Variants in FBP2 observed in about 807,000 individuals in gnomAD.
FBP2 encodes the protein fructose-bisphosphatase 2.
In FBP2, 27 loss-of-function variants were observed where a neutral mutation model predicts 31.6. The observed-to-expected ratio is 0.85, with a 90% CI of 0.63 to 1.18. FBP2 has a LOEUF of 1.18. FBP2 is among the 50% of genes most tolerant of loss of function. FBP2 has a pLI of 0.00. For synonymous variants in FBP2, 168 were observed against 179.8 expected (o/e 0.93, Z 0.53); for missense variants, 421 against 436.1 (o/e 0.97, Z 0.31).
chr9:94,567,417 TGAAGAGAGATGCCAGGAA>T lies in FBP2; in HGVS notation c.568-28_568-11del. The T allele has an allele frequency of 6.2e-7, 1 of 1,612,658 alleles. No individual in the cohort carries two copies. The highest frequency in any genetic ancestry group is 1.1e-5 in the South Asian group (1 of 90,978). On this transcript the variant is annotated splice_polypyrimidine_tract_variant and intron_variant, in intron 4 of 6. Transcript: ENST00000375337. The stretch of plus-strand genomic sequence containing the variant: ...CAAATTCACCAAGAGCCTAGCAACA[TGAAGAGAGATGCCAGGAA>T]GAAGAGAGAAGCCAGGAAACAAGCC...
intron 4 of FBP2, chr9:94,568,231 GA>G (rs1214352051): frequency 1.3e-5 from 2 of 152,128 alleles, no homozygotes; most frequent in Non-Finnish European, 2.9e-5. Flanking sequence ...GAGAAAAGAG[GA>G]AGCCGCTTTC....
At chr9:94,570,014 A>G (rs1204604668) in intron 4 of FBP2, 1 of 152,208 alleles carries the variant, frequency 6.6e-6, no homozygotes, top group African/African-American at 2.4e-5. Context: ...TGTCCTTTTT[A>G]GTAGGGAGAT....
intron 4 of FBP2, 118 bp downstream of exon 4, chr9:94,571,344 C>G (rs1827266234): frequency 3.6e-6 from 4 of 1,108,488 alleles, no homozygotes; most frequent in Middle Eastern, 3.2e-4. Context: ...GCTCTCAGGA[C>G]CCCTGGTCCC....
chr9:94,575,224 A>G (rs542520520), intron 3 of FBP2, among the ~76,000 whole-genome samples: 1 of 152,304 alleles, frequency 6.6e-6, no homozygotes, highest in South Asian at 2.1e-4. Flanking sequence ...CATTTATATA[A>G]CATTTCCAGC....
intron 3 of FBP2, among the ~76,000 whole-genome samples, chr9:94,579,050 C>CACAAAAAAAAAAAAAAAA (rs1827346480): frequency 3.3e-5 from 1 of 30,606 alleles, no homozygotes; most frequent in Non-Finnish European, 5.1e-5. Context: ...GAGACTCTGT[C>CACAAAAAAAAAAAAAAAA]AAAAAAAAAA....
intron 3 of FBP2, among the ~76,000 whole-genome samples, chr9:94,573,713 T>C (rs544042528): frequency 1.2e-4 from 19 of 152,346 alleles, no homozygotes; most frequent in African/African-American, 4.6e-4. Flanking sequence ...TTATGTATTG[T>C]TGAATTCTAT....
chr9:94,592,557 T>TGGTGACA (rs1350193233), intron 1 of FBP2, among the ~76,000 whole-genome samples: 1 of 152,166 alleles, frequency 6.6e-6, no homozygotes, highest in East Asian at 1.9e-4. Flanking sequence ...TGTTTTGAGA[T>TGGTGACA]GGAATCTCGT....
chr9:94,562,309 C>CAAAA (rs397893359), intron 6 of FBP2, among the ~76,000 whole-genome samples: 28 of 72,064 alleles, frequency 3.9e-4, no homozygotes, highest in African/African-American at 6.3e-4. Flanking sequence ...GACTCCATCT[C>CAAAA]AAAAAAAAAA....
intron 5 of FBP2, among the ~76,000 whole-genome samples, chr9:94,564,626 CAAA>C (rs1318672685): frequency 6.6e-6 from 1 of 151,930 alleles, no homozygotes; most frequent in African/African-American, 2.4e-5. Flanking sequence ...CACATGGACA[CAAA>C]GAGGGAAACA....
chr9:94,559,893 C>T (rs964043171), intron 6 of FBP2, among the ~76,000 whole-genome samples: 16 of 151,926 alleles, frequency 1.1e-4, no homozygotes, highest in Non-Finnish European at 2.2e-4. Context: ...TTTGGGAGGC[C>T]GAGGCAAAAG....
chr9:94,588,357 C>T (rs925492856), intron 1 of FBP2, among the ~76,000 whole-genome samples: 9 of 152,128 alleles, frequency 5.9e-5, no homozygotes, highest in Admixed American at 4.6e-4. Flanking sequence ...GCCAGGGCCT[C>T]GTGCCTGTAA....
chr9:94,588,270 CTT>C (rs1827450856), intron 1 of FBP2, among the ~76,000 whole-genome samples: 1 of 152,246 alleles, frequency 6.6e-6, no homozygotes, highest in African/African-American at 2.4e-5. Flanking sequence ...TGGGGGCAGA[CTT>C]ATTTCATTTT....
At position 94,559,038 on chromosome 9, in the gene FBP2, T is replaced by G; in HGVS notation, c.920A>C (p.Lys307Thr). The change falls in exon 7 of 7, where the codon AAG becomes ACG. Residue 307 changes from lysine to threonine, a missense_variant. Lys to Thr is a moderately conservative substitution (Grantham distance 78). Transcript: ENST00000375337. ...TTGTQPVLDVKPEAIHQRVPL... is the reference protein window; with the variant it reads ...TTGTQPVLDVTPEAIHQRVPL... Reference sequence around the variant, plus strand: ...GACTCGCTGGTGAATTGCCTCGGGCTTCACGTCCAGTACAGGCTGGGTCCC... The same window carrying G: ...GACTCGCTGGTGAATTGCCTCGGGCGTCACGTCCAGTACAGGCTGGGTCCC... The G allele has an allele frequency of 6.2e-7, 1 of 1,614,160 alleles. No individual in the cohort carries two copies. The highest frequency in any genetic ancestry group is 8.5e-7 in the Non-Finnish European group (1 of 1,180,018).
chr9:94,587,073 G>A (rs564292657), intron 2 of FBP2, among the ~76,000 whole-genome samples: 10 of 152,270 alleles, frequency 6.6e-5, no homozygotes, highest in South Asian at 2.1e-4. Context: ...CCACTGAGGC[G>A]GTTCCTGCAT....
intron 5 of FBP2, among the ~76,000 whole-genome samples, chr9:94,566,059 T>C (rs1827185081): frequency 6.6e-6 from 1 of 152,252 alleles, no homozygotes; most frequent in African/African-American, 2.4e-5. Flanking sequence ...ACATGAATGC[T>C]CCTGCTTAAT....
chr9:94,574,719 A>G (rs551042206), intron 3 of FBP2, among the ~76,000 whole-genome samples: 1 of 152,256 alleles, frequency 6.6e-6, no homozygotes, highest in Non-Finnish European at 1.5e-5. Flanking sequence ...AGGGTGACAC[A>G]AATATTCTTG....
At chr9:94,588,937 C>T (rs1827461105) in intron 1 of FBP2, among the ~76,000 whole-genome samples, 1 of 152,178 alleles carries the variant, frequency 6.6e-6, no homozygotes, top group Non-Finnish European at 1.5e-5. Context: ...CCACCTGGGA[C>T]ACTCTTCCTC....
chr9:94,558,770 G>A lies in FBP2; in HGVS notation c.*168C>T, dbSNP rs973754901. 29 of 627,272 alleles carry A rather than the reference G, an allele frequency of 4.6e-5. No individual in the cohort carries two copies. The East Asian group carries it at 5.3e-4, about 11-fold the overall frequency. 38.9% of individuals were successfully genotyped at this position (627,272 alleles called of 1,614,324 possible). On this transcript the variant is annotated 3_prime_UTR_variant, in exon 7 of 7. Transcript: ENST00000375337. ...AGTCCTTCACATTGACCATAGAATCGCCTGTGGCTTCCAAACCTGTCGTAA... is the reference window on the plus strand; with the variant it reads ...AGTCCTTCACATTGACCATAGAATCACCTGTGGCTTCCAAACCTGTCGTAA...
intron 2 of FBP2, among the ~76,000 whole-genome samples, chr9:94,586,223 A>C (rs1827425585): frequency 6.6e-6 from 1 of 152,008 alleles, no homozygotes; most frequent in South Asian, 2.1e-4. Context: ...AAAAACACAA[A>C]AATTAGCGGG....
Sources: gnomAD v4.1 joint callset for allele counts (sites outside exome capture counted in the v4.1 genomes callset) on GRCh38, gnomAD v4.1.1 for gene constraint, MANE v1.5 for transcripts, NCBI Gene and HGNC (gene_info 2026-07-23, HGNC 2026-07-21) for gene names.